The following NCEH1 variants were observed in gnomAD, a reference collection of about 807,000 sequenced individuals.
NCEH1 encodes 2-acetyl MAGE hydrolase.
In NCEH1, 9 loss-of-function variants were observed where a neutral mutation model predicts 25.4. That is an observed-to-expected ratio of 0.35 (90% CI 0.21 to 0.62). The LOEUF (loss-of-function observed/expected upper bound fraction) is 0.62, where lower values mean the gene tolerates loss of function less well. Ranked by LOEUF, NCEH1 falls within the 20% of genes least tolerant of loss-of-function variation. The pLI is 0.72. For synonymous variants in NCEH1, 200 were observed against 199.8 expected (o/e 1.00, Z -0.01); for missense variants, 412 against 501.1 (o/e 0.82, Z 1.70).
Position 172,645,627 on chromosome 3 carries a change from T to A in NCEH1, c.433A>T (p.Ile145Phe). The A allele has an allele frequency of 6.3e-7, 1 of 1,592,734 alleles. No individual in the cohort carries two copies. The highest frequency in any genetic ancestry group is 1.1e-5 in the South Asian group (1 of 87,842). The change falls in exon 3 of 5, where the codon ATT (isoleucine) becomes TTT (phenylalanine). Residue 145 changes from isoleucine (I) to phenylalanine (F), a missense_variant. Physicochemically the swap from Ile to Phe is conservative, Grantham distance 21. Around this residue, in one of 3 missense-constraint regions of NCEH1, gnomAD observed 178 missense variants for 189.2 expected, o/e 0.94. Transcript: ENST00000475381. ...TGACTAGCATTAATTACTTACTCAA[T>A]GGAAACAATGACAGCATTCAATTCC... ...AEELNAVIVS[I>F]EYRLVPKVYF... is the part of the protein sequence containing the mutation.
chr3:172,638,396 C>CA (rs1553827533), intron 3 of NCEH1, among the ~76,000 whole-genome samples: 1 of 144,568 alleles, frequency 6.9e-6, no homozygotes, highest in Admixed American at 7.0e-5. Flanking sequence ...ATGCAAAATG[C>CA]TTTTTTTTTC....
intron 1 of NCEH1, among the ~76,000 whole-genome samples, chr3:172,693,729 A>C (rs531724302): frequency 5.3e-5 from 8 of 152,196 alleles, no homozygotes; most frequent in Non-Finnish European, 1.0e-4. Context: ...TGAACAATTC[A>C]GAATTGTGCA....
chr3:172,686,070 A>G (rs1712678244), intron 1 of NCEH1, among the ~76,000 whole-genome samples: 1 of 134,696 alleles, frequency 7.4e-6, no homozygotes, highest in South Asian at 2.5e-4. Context: ...TCAGCTTTTG[A>G]AACACACTGA....
At chr3:172,646,076 G>C (rs1717107322) in intron 2 of NCEH1, among the ~76,000 whole-genome samples, 1 of 152,198 alleles carries the variant, frequency 6.6e-6, no homozygotes, top group African/African-American at 2.4e-5. Flanking sequence ...TTTTAGGCTG[G>C]GAGTGGTGGC....
chr3:172,637,996 G>A (rs2108489277), intron 3 of NCEH1, among the ~76,000 whole-genome samples: 1 of 152,148 alleles, frequency 6.6e-6, no homozygotes, highest in East Asian at 1.9e-4. Flanking sequence ...GCAGTGAGCT[G>A]AGATCGAAAG....
chr3:172,681,516 T>C (rs561966392), intron 1 of NCEH1, among the ~76,000 whole-genome samples: 2 of 152,136 alleles, frequency 1.3e-5, no homozygotes, highest in Admixed American at 1.3e-4. Flanking sequence ...CTTTAAAGGA[T>C]GTCAAGTAGA....
chr3:172,653,754 T>TGC (rs1298854457), intron 1 of NCEH1, among the ~76,000 whole-genome samples: 3 of 55,442 alleles, frequency 5.4e-5, no homozygotes, highest in African/African-American at 2.2e-4. Context: ...GTTTTTTTGT[T>TGC]TTTTTGTTTT....
intron 1 of NCEH1, among the ~76,000 whole-genome samples, chr3:172,708,613 T>A (rs1177864657): frequency 2.0e-5 from 3 of 152,174 alleles, no homozygotes; most frequent in Non-Finnish European, 4.4e-5. Context: ...CGCCTCGGCC[T>A]CCCAAAGTGC....
intron 1 of NCEH1, among the ~76,000 whole-genome samples, chr3:172,690,292 C>T (rs1241630714): frequency 6.6e-6 from 1 of 152,146 alleles, no homozygotes; most frequent in Non-Finnish European, 1.5e-5. Flanking sequence ...CAGAATAGTG[C>T]TGGTGCAAAG....
Position 172,631,027 on chromosome 3 carries a change from AAATC to A in NCEH1, c.*2444_*2447del, listed in dbSNP as rs1412498336. ...AGAAAGCCACAGTACTAAAAAAAAA[AAATC>A]AATCTGCAGAGTGTAAACATTTTTT... On this transcript the variant is annotated 3_prime_UTR_variant, in exon 5 of 5. Coordinates refer to ENST00000475381, the MANE Select transcript of NCEH1 (RefSeq NM_020792.6). 2.0e-5 allele frequency: 3 copies of A among 152,280 alleles called. No individual in the cohort carries two copies. The highest frequency in any genetic ancestry group is 2.1e-4 in the South Asian group (1 of 4,826). The allele number at this position is 152,280 out of a possible 1,614,324, so 9.4% of individuals were successfully genotyped here. A position where few individuals can be genotyped will look rare whatever the true frequency, so the allele number is the denominator to read the frequency against.
intron 4 of NCEH1, 111 bp from the exon 5 acceptor site, chr3:172,634,203 T>C: frequency 9.5e-7 from 1 of 1,050,124 alleles, no homozygotes; most frequent in Non-Finnish European, 1.4e-6. Flanking sequence ...ATGGTATAAG[T>C]GTTACATTTC....
chr3:172,646,240 A>G (rs1717115488), intron 2 of NCEH1, among the ~76,000 whole-genome samples: 1 of 152,176 alleles, frequency 6.6e-6, no homozygotes, highest in South Asian at 2.1e-4. Flanking sequence ...CTGCAGTCCC[A>G]GTTGCTTGGG....
chr3:172,702,496 A>G (rs1401297471), intron 1 of NCEH1, among the ~76,000 whole-genome samples: 1 of 152,088 alleles, frequency 6.6e-6, no homozygotes, highest in Non-Finnish European at 1.5e-5. Flanking sequence ...ATCATCCCTC[A>G]CTTGACTGTA....
intron 1 of NCEH1, among the ~76,000 whole-genome samples, chr3:172,671,140 TCTC>T (rs1340533569): frequency 6.6e-6 from 1 of 152,186 alleles, no homozygotes; most frequent in African/African-American, 2.4e-5. Flanking sequence ...GCAAGCAGCT[TCTC>T]AATTTCACAC....
intron 3 of NCEH1, among the ~76,000 whole-genome samples, chr3:172,645,281 T>C (rs1380496008): frequency 6.6e-6 from 1 of 152,194 alleles, no homozygotes; most frequent in Non-Finnish European, 1.5e-5. Flanking sequence ...AACTCTCAGC[T>C]GTAGAAGAGA....
chr3:172,667,784 A>C (rs564093605), intron 1 of NCEH1, among the ~76,000 whole-genome samples: 15 of 152,312 alleles, frequency 9.8e-5, no homozygotes, highest in South Asian at 6.2e-4. Flanking sequence ...CCTTAACCTA[A>C]GGACTTTAAA....
intron 1 of NCEH1, among the ~76,000 whole-genome samples, chr3:172,692,111 T>A (rs927071136): frequency 1.2e-4 from 18 of 152,074 alleles, no homozygotes; most frequent in African/African-American, 3.9e-4. Flanking sequence ...TTGTCTCCAA[T>A]AAGGCATCAT....
intron 3 of NCEH1, among the ~76,000 whole-genome samples, chr3:172,639,152 G>T (rs377549673): frequency 2.6e-5 from 4 of 152,012 alleles, no homozygotes; most frequent in Non-Finnish European, 5.9e-5. Context: ...TACAAAAATT[G>T]CTGGGTGTGG....
At chr3:172,678,931 G>C (rs769622905) in intron 1 of NCEH1, among the ~76,000 whole-genome samples, 1 of 152,184 alleles carries the variant, frequency 6.6e-6, no homozygotes, top group African/African-American at 2.4e-5. Flanking sequence ...ACTTCCTGCA[G>C]AAAGGGTACA....
Sources: gnomAD v4.1 joint callset for allele counts (sites outside exome capture counted in the v4.1 genomes callset) on GRCh38, gnomAD v4.1.1 for gene constraint, gnomAD v4.1.1 regional missense constraint, MANE v1.5 for transcripts, NCBI Gene and HGNC (gene_info 2026-07-23, HGNC 2026-07-21) for gene names.